UBE2E3: variants seen among roughly 807,000 people sequenced by gnomAD.
UBE2E3 encodes ubiquitin conjugating enzyme E2 E3.
In UBE2E3, 5 loss-of-function variants were observed where a neutral mutation model predicts 23.6. That is an observed-to-expected ratio of 0.21 (90% CI 0.11 to 0.44). The LOEUF (loss-of-function observed/expected upper bound fraction) is 0.44. Ranked by LOEUF, UBE2E3 falls within the 20% of genes least tolerant of loss-of-function variation. The probability of loss-of-function intolerance (pLI) is 0.99; values close to 1 mark genes in which losing one functional copy is unlikely to be tolerated. For missense variants in UBE2E3, 81 were observed against 249.8 expected (o/e 0.32, Z 4.55); for synonymous variants, 78 against 87.5 (o/e 0.89, Z 0.60).
At chr2:181,032,832 A>G (rs1686126238) in intron 3 of UBE2E3, among the ~76,000 whole-genome samples, 2 of 152,216 alleles carry the variant, frequency 1.3e-5, no homozygotes, top group African/African-American at 2.4e-5. Context: ...AACTTCAGCA[A>G]AGTCTCAGGA....
At chr2:180,981,957 C>A in intron 1 of UBE2E3, 61 bp from the exon 2 acceptor site, 1 of 1,230,376 alleles carries the variant, frequency 8.1e-7, no homozygotes, top group Non-Finnish European at 1.1e-6. Flanking sequence ...GAAGAAAATG[C>A]TGTTGGTTTA....
At chr2:181,034,644 T>C (rs1002302432) in intron 3 of UBE2E3, among the ~76,000 whole-genome samples, 28 of 152,154 alleles carry the variant, frequency 1.8e-4, no homozygotes, top group African/African-American at 6.8e-4. Context: ...ACCTGCACGT[T>C]GTGCACATGT....
intron 3 of UBE2E3, among the ~76,000 whole-genome samples, chr2:181,000,796 C>T (rs553900250): frequency 2.0e-5 from 3 of 152,188 alleles, no homozygotes; most frequent in East Asian, 1.9e-4. Flanking sequence ...TCGTGTGATC[C>T]GACCACCTCG....
intron 3 of UBE2E3, among the ~76,000 whole-genome samples, chr2:181,002,966 C>G (rs1685032938): frequency 6.6e-6 from 1 of 152,214 alleles, no homozygotes; most frequent in African/African-American, 2.4e-5. Context: ...TACAAAAATG[C>G]AGGCTTCTTT....
chr2:181,007,123 T>C (rs968244004), intron 3 of UBE2E3, among the ~76,000 whole-genome samples: 5 of 152,338 alleles, frequency 3.3e-5, no homozygotes, highest in South Asian at 2.1e-4. Flanking sequence ...CATTTTTTTT[T>C]CCAGTAGTCT....
intron 3 of UBE2E3, among the ~76,000 whole-genome samples, chr2:181,040,987 C>A (rs957800084): frequency 6.6e-6 from 1 of 152,038 alleles, no homozygotes; most frequent in Non-Finnish European, 1.5e-5. Flanking sequence ...CAGTGGCTGA[C>A]GCCTGTAATC....
intron 1 of UBE2E3, 100 bp from the exon 2 acceptor site, chr2:180,981,918 T>G: frequency 7.8e-6 from 7 of 898,940 alleles, no homozygotes; most frequent in Non-Finnish European, 1.2e-5. Context: ...TTTGAAGCTT[T>G]TTCATTACAA....
At chr2:181,060,320 C>G (rs543855676) in intron 4 of UBE2E3, among the ~76,000 whole-genome samples, 2 of 151,608 alleles carry the variant, frequency 1.3e-5, no homozygotes, top group Non-Finnish European at 3.0e-5. Flanking sequence ...TTCTTTTCTT[C>G]CTCACTTTCT....
At chr2:180,987,391 A>T (rs1204217120) in intron 3 of UBE2E3, 1 of 1,549,932 alleles carries the variant, frequency 6.5e-7, no homozygotes, top group Admixed American at 2.0e-5. Flanking sequence ...GAAAGTTTAG[A>T]AAGGTACTGG....
chr2:181,014,641 G>A (rs897674906), intron 3 of UBE2E3, among the ~76,000 whole-genome samples: 2 of 152,276 alleles, frequency 1.3e-5, no homozygotes, highest in East Asian at 3.9e-4. Context: ...GGTGTGCCAG[G>A]TAAGTTGAGG....
chr2:181,008,259 A>G (rs911910528), intron 3 of UBE2E3, among the ~76,000 whole-genome samples: 1 of 152,216 alleles, frequency 6.6e-6, no homozygotes, highest in African/African-American at 2.4e-5. Context: ...GCTAATATTT[A>G]TTGACCAATT....
chr2:181,034,334 A>T (rs1195706936), intron 3 of UBE2E3, among the ~76,000 whole-genome samples: 1 of 152,250 alleles, frequency 6.6e-6, no homozygotes, highest in Non-Finnish European at 1.5e-5. Context: ...ACACCATGGA[A>T]TACTGTGCAG....
intron 3 of UBE2E3, among the ~76,000 whole-genome samples, chr2:181,027,987 T>C (rs1685951863): frequency 6.6e-6 from 1 of 152,028 alleles, no homozygotes; most frequent in Non-Finnish European, 1.5e-5. Context: ...TGAATCTCTA[T>C]ATGTTGTCTG....
chr2:180,986,676 CCT>C (rs1684481111), intron 3 of UBE2E3, among the ~76,000 whole-genome samples: 1 of 152,002 alleles, frequency 6.6e-6, no homozygotes, highest in African/African-American at 2.4e-5. Context: ...ATCTATGAAA[CCT>C]AATACATTTG....
intron 3 of UBE2E3, among the ~76,000 whole-genome samples, chr2:181,047,574 C>T (rs576008693): frequency 3.7e-4 from 56 of 151,860 alleles, no homozygotes; most frequent in Non-Finnish European, 5.0e-4. Context: ...AAGCTATTCT[C>T]GAAACCCTCC....
In UBE2E3 at chr2:180,980,898, C is replaced by A. The variant is rs1409080231; in HGVS notation, c.-101C>A. 1 of 144,348 alleles carries A rather than the reference C, an allele frequency of 6.9e-6. No homozygotes were observed. Among genetic ancestry groups the A allele is most frequent in the Non-Finnish European group, 1.5e-5 (1 of 65,618 alleles). 8.9% of individuals were successfully genotyped at this position (144,348 alleles called of 1,614,324 possible). A position where few individuals can be genotyped will look rare whatever the true frequency, so the allele number is the denominator to read the frequency against. On this transcript the variant is annotated 5_prime_UTR_variant, in exon 1 of 6. Coordinates refer to ENST00000410062, the MANE Select transcript of UBE2E3 (RefSeq NM_006357.4). The surrounding 1 kb of genome is among the most constrained non-coding windows in gnomAD (Gnocchi z 5.5). ...CCCCCCCCCACAGCTGCCTCCATTTCCTTAAGGAAGGGTTTTTTTCTCTCT... is the reference window on the plus strand; with the variant it reads ...CCCCCCCCCACAGCTGCCTCCATTTACTTAAGGAAGGGTTTTTTTCTCTCT...
Position 180,984,065 on chromosome 2 carries a change from A to G in UBE2E3, c.217A>G (p.Ile73Val). ...CAGAATTCAGAAGGAGCTAGCTGAA[A>G]TAACCCTTGATCCTCCTCCTAATTG... ...AKRIQKELAE[I>V]TLDPPPNCSA... The change falls in exon 3 of 6, where the codon ATA becomes GTA. Residue 73 changes from isoleucine (I) to valine (V), a missense_variant. By Grantham distance (29) the Ile-to-Val change is conservative. Coordinates refer to ENST00000410062, the MANE Select transcript of UBE2E3 (RefSeq NM_006357.4). 1.2e-6 allele frequency: 2 copies of G among 1,612,188 alleles called. No individual in the cohort carries two copies. Among genetic ancestry groups the G allele is most frequent in the Non-Finnish European group, 1.7e-6 (2 of 1,178,730 alleles).
intron 1 of UBE2E3, 112 bp downstream of exon 1, chr2:180,981,085 T>G (rs2105557882): frequency 1.4e-5 from 2 of 142,910 alleles, no homozygotes; most frequent in South Asian, 2.1e-4. Context: ...GCGTCGCCGG[T>G]GTCCGCGAGC....
intron 5 of UBE2E3, among the ~76,000 whole-genome samples, chr2:181,061,912 ATTAGAG>A (rs1687166044): frequency 6.6e-6 from 1 of 151,492 alleles, no homozygotes; most frequent in African/African-American, 2.4e-5. Flanking sequence ...GGTATCCTTT[ATTAGAG>A]TATTGGAAAC....
Sources: allele counts gnomAD v4.1 joint callset (sites outside exome capture counted in the v4.1 genomes callset), GRCh38; gene constraint gnomAD v4.1.1; non-coding constraint Gnocchi (gnomAD v3.1); transcripts MANE v1.5; gene names NCBI Gene and HGNC (gene_info 2026-07-23, HGNC 2026-07-21).